Variants in ANKRD27 observed in about 807,000 individuals in gnomAD.
The protein encoded by ANKRD27 is ankyrin repeat domain 27.
Under a neutral mutation model 129.7 loss-of-function variants are expected in ANKRD27, and 112 were observed. That is an observed-to-expected ratio of 0.86 (90% CI 0.74 to 1.01). The LOEUF is 1.01. Ranked by LOEUF, ANKRD27 falls within the 50% of genes least tolerant of loss-of-function variation. ANKRD27 has a pLI of 0.00. For synonymous variants in ANKRD27, 516 were observed against 511.2 expected (o/e 1.01, Z -0.13); for missense variants, 1,258 against 1,300.5 (o/e 0.97, Z 0.50).
At chr19:32,667,158 C>T (rs982675041) in intron 1 of ANKRD27, among the ~76,000 whole-genome samples, 5 of 152,202 alleles carry the variant, frequency 3.3e-5, no homozygotes, top group Admixed American at 1.3e-4. Flanking sequence ...AACAGGCACC[C>T]GACTTCCCAG....
At chr19:32,617,255 C>T (rs1971934186) in intron 21 of ANKRD27, among the ~76,000 whole-genome samples, 1 of 152,102 alleles carries the variant, frequency 6.6e-6, no homozygotes, top group Admixed American at 6.6e-5. Context: ...ATAAAAAGCA[C>T]TTCTAAAGCT....
intron 12 of ANKRD27, among the ~76,000 whole-genome samples, chr19:32,636,810 T>C (rs975241792): frequency 6.6e-6 from 1 of 151,646 alleles, no homozygotes; most frequent in Non-Finnish European, 1.5e-5. Flanking sequence ...TGCAGTGGTG[T>C]AACCTCAGCT....
chr19:32,661,990 T>G (rs1364807088), intron 1 of ANKRD27, among the ~76,000 whole-genome samples: 1 of 152,158 alleles, frequency 6.6e-6, no homozygotes, highest in Non-Finnish European at 1.5e-5. Context: ...CAGGTCTTTT[T>G]GCAAAGTGAC....
intron 27 of ANKRD27, 24 bp downstream of exon 27, chr19:32,599,948 A>G (rs1189132750): frequency 2.0e-5 from 32 of 1,599,262 alleles, no homozygotes; most frequent in Non-Finnish European, 2.7e-5. Flanking sequence ...AAAGCACAGA[A>G]ATCAACTTGA....
intron 2 of ANKRD27, among the ~76,000 whole-genome samples, chr19:32,652,854 G>C (rs1414932454): frequency 2.0e-5 from 3 of 152,218 alleles, no homozygotes; most frequent in African/African-American, 7.2e-5. Context: ...CTTGAGTCCA[G>C]GAGGTGGAGG....
chr19:32,625,831 A>G (rs1219359020), intron 17 of ANKRD27, 43 bp downstream of exon 17: 1 of 1,438,770 alleles, frequency 7.0e-7, no homozygotes, highest in Admixed American at 2.7e-5. Context: ...TACGAGTGGG[A>G]AAGGGTGAAC....
intron 12 of ANKRD27, chr19:32,639,124 G>A: frequency 1.8e-6 from 1 of 543,844 alleles, no homozygotes; most frequent in South Asian, 2.8e-5. Flanking sequence ...GACTAATGAA[G>A]TAGGATATTA....
At chr19:32,607,594 G>A (rs1442245699) in intron 23 of ANKRD27, 41 bp downstream of exon 23, 1 of 1,593,564 alleles carries the variant, frequency 6.3e-7, no homozygotes. Flanking sequence ...CTAGCCCAAA[G>A]CAGACACCCT....
At chr19:32,663,702 T>C (rs538543532) in intron 1 of ANKRD27, among the ~76,000 whole-genome samples, 10 of 152,310 alleles carry the variant, frequency 6.6e-5, no homozygotes, top group African/African-American at 2.4e-4. Context: ...AGAAATACAA[T>C]TATGTATATA....
At chr19:32,654,656 A>T (rs1967484988) in intron 2 of ANKRD27, among the ~76,000 whole-genome samples, 1 of 81,660 alleles carries the variant, frequency 1.2e-5, no homozygotes, top group African/African-American at 5.0e-5. Context: ...GGCCTCCCTG[A>T]TTCTTTTTTT....
At chr19:32,626,454 G>A (rs939517696) in intron 16 of ANKRD27, among the ~76,000 whole-genome samples, 3 of 151,248 alleles carry the variant, frequency 2.0e-5, no homozygotes, top group Non-Finnish European at 2.9e-5. Flanking sequence ...GATTACAGGC[G>A]TGAGCTACCA....
At chr19:32,658,482 T>C (rs149268970) in intron 2 of ANKRD27, among the ~76,000 whole-genome samples, 6 of 152,242 alleles carry the variant, frequency 3.9e-5, no homozygotes, top group African/African-American at 7.2e-5. Flanking sequence ...TTCAAAGCAG[T>C]GTATGAATGT....
At position 32,626,704 on chromosome 19, in the gene ANKRD27, C is replaced by T. The variant is rs1966889731; in HGVS notation, c.1536+8G>A. 3.1e-6 allele frequency: 5 copies of T among 1,594,876 alleles called. No individual in the cohort carries two copies. Among genetic ancestry groups the T allele is most frequent in the Non-Finnish European group, 4.3e-6 (5 of 1,169,872 alleles). ...GCGACAGCCCGCCACAAAGGCACCA[C>T]TGCTCACCGTCACGCTCTGGTAGCC... On this transcript the variant is annotated splice_region_variant and intron_variant, in intron 16 of 28. Coordinates refer to ENST00000306065, the MANE Select transcript of ANKRD27 (RefSeq NM_032139.3).
Position 32,619,363 on chromosome 19 carries a change from G to A in ANKRD27, c.1904C>T (p.Pro635Leu), listed in dbSNP as rs772353115. The A allele has an allele frequency of 3.5e-5, 56 of 1,613,558 alleles. No homozygotes were observed. The highest frequency in any genetic ancestry group is 3.4e-4 in the South Asian group (31 of 91,060). Residue 635 changes from proline (P) to leucine (L), a missense_variant, in exon 20 of 29, where the codon CCG (proline) becomes CTG (leucine). Coordinates refer to ENST00000306065, the MANE Select transcript of ANKRD27 (RefSeq NM_032139.3). Reference protein sequence around the residue: ...QKSSEAPVQSPQRSVDSISQE... With the variant: ...QKSSEAPVQSLQRSVDSISQE... Reference sequence around the variant, plus strand: ...GCTGATGGAGTCCACGGAGCGCTGCGGGGACTGCACAGGGGCCTGCAGCCA... The same window carrying A: ...GCTGATGGAGTCCACGGAGCGCTGCAGGGACTGCACAGGGGCCTGCAGCCA...
chr19:32,640,371 T>A lies in ANKRD27; in HGVS notation c.919A>T (p.Met307Leu). Residue 307 changes from methionine to leucine, a missense_variant, in exon 11 of 29, where the codon ATG becomes TTG. Transcript: ENST00000306065. ...ACTGATAGCAGATCATCAGCACACA[T>A]GGTCTCCAGGTTCACTGCAAAGGGG... ...SPSQRVNLET[M>L]CADDLLSVLL... 1 of 1,613,924 alleles carries A rather than the reference T, an allele frequency of 6.2e-7. No homozygotes were observed. The highest frequency in any genetic ancestry group is 2.2e-5 in the East Asian group (1 of 44,878).
At chr19:32,644,565 G>A in intron 4 of ANKRD27, 86 bp from the exon 5 acceptor site, 1 of 1,446,640 alleles carries the variant, frequency 6.9e-7, no homozygotes, top group Non-Finnish European at 9.4e-7. Context: ...AGGCCCTCTG[G>A]GGAGGAGGGC....
chr19:32,651,595 C>T (rs1342980849), intron 2 of ANKRD27, among the ~76,000 whole-genome samples: 2 of 152,142 alleles, frequency 1.3e-5, no homozygotes, highest in Non-Finnish European at 2.9e-5. Context: ...TGGTCTCGAT[C>T]TCCTGACCTT....
At chr19:32,633,561 T>C (rs897671127) in intron 12 of ANKRD27, among the ~76,000 whole-genome samples, 5 of 151,516 alleles carry the variant, frequency 3.3e-5, no homozygotes, top group Admixed American at 6.6e-5. Flanking sequence ...TGGCCTCAGG[T>C]GATCCTCCTG....
Position 32,604,420 on chromosome 19 carries a change from C to T in ANKRD27, c.2498G>A (p.Gly833Glu). The T allele has an allele frequency of 1.2e-6, 2 of 1,601,720 alleles. No individual in the cohort carries two copies. Among genetic ancestry groups the T allele is most frequent in the Non-Finnish European group, 1.7e-6 (2 of 1,170,440 alleles). The change falls in exon 25 of 29, where the codon GGG (glycine) becomes GAG (glutamate). Residue 833 changes from glycine to glutamate, a missense_variant. By Grantham distance (98) the Gly-to-Glu change is moderately conservative. Transcript: ENST00000306065. ...ATTGTTAGAAGCGTTAATGGAGGCC[C>T]CGTGCTGGAAAGAGAAACCACACGA... ...HELVALLLQH[G>E]ASINASNNKG...
Sources: gnomAD v4.1 joint callset for allele counts (sites outside exome capture counted in the v4.1 genomes callset) on GRCh38, gnomAD v4.1.1 for gene constraint, MANE v1.5 for transcripts, NCBI Gene and HGNC (gene_info 2026-07-23, HGNC 2026-07-21) for gene names.